The following MALRD1 variants were observed in gnomAD, a reference collection of about 807,000 sequenced individuals.
MALRD1 encodes the protein MAM and LDL receptor class A domain containing 1.
A neutral mutation model predicts 242.1 loss-of-function variants in MALRD1; 247 were observed. That is an observed-to-expected ratio of 1.02 (90% CI 0.92 to 1.13). The LOEUF (loss-of-function observed/expected upper bound fraction) is 1.13, where lower values mean the gene tolerates loss of function less well. Ranked by LOEUF, MALRD1 falls within the 50% of genes most tolerant of loss-of-function variation. The pLI is 0.00. For synonymous variants in MALRD1, 995 were observed against 866.6 expected, an observed-to-expected ratio of 1.15 and a Z score of -2.60; for missense variants, 2,989 against 2,533.1, an observed-to-expected ratio of 1.18 and a Z score of -3.86.
intron 36 of MALRD1, among the ~76,000 whole-genome samples, chr10:19,616,331 A>G (rs1839155201): frequency 6.6e-6 from 1 of 152,014 alleles, no homozygotes; most frequent in African/African-American, 2.4e-5. Context: ...AAATTAATTT[A>G]TAAATAAAAT....
chr10:19,567,743 T>G (rs937616951), intron 33 of MALRD1, 40 bp downstream of exon 33: 1 of 1,500,166 alleles, frequency 6.7e-7, no homozygotes, highest in Non-Finnish European at 9.1e-7. Context: ...AGTATTTGTT[T>G]TTAGTATCTA....
At chr10:19,422,625 G>C (rs1833758487) in intron 28 of MALRD1, among the ~76,000 whole-genome samples, 1 of 152,128 alleles carries the variant, frequency 6.6e-6, no homozygotes, top group African/African-American at 2.4e-5. Context: ...ATTAGATGTA[G>C]AATACCCTCG....
chr10:19,433,274 G>A (rs10827397), intron 28 of MALRD1, among the ~76,000 whole-genome samples: 7,927 of 152,078 alleles, frequency 0.052, 230 homozygotes, highest in African/African-American at 0.074. Context: ...CCATGAGGAC[G>A]TGATTCCGCT....
At chr10:19,464,576 A>G (rs1205016676) in intron 29 of MALRD1, among the ~76,000 whole-genome samples, 4 of 151,996 alleles carry the variant, frequency 2.6e-5, no homozygotes, top group Non-Finnish European at 5.9e-5. Context: ...CTATGTTCCT[A>G]TTTTTATACC....
At chr10:19,510,068 C>T (rs1464907008) in intron 31 of MALRD1, among the ~76,000 whole-genome samples, 1 of 152,116 alleles carries the variant, frequency 6.6e-6, no homozygotes, top group Non-Finnish European at 1.5e-5. Context: ...AGCAGGAAAA[C>T]GTGAACAAAT....
rs112697522 is a variant in MALRD1, at chr10:19,163,538, A to T, written c.1657-2099A>T. ...TGGAGGAGGGAGAGGAGCAGAAAAG[A>T]TAACTATTGGGTACAATGCTTAGTG... On this transcript the variant is annotated intron_variant, in intron 12 of 39. Transcript: ENST00000454679. 3.1e-3 allele frequency among the ~76,000 whole-genome samples: 478 copies of T among 152,246 alleles called. 3 individuals carry two copies. Among genetic ancestry groups the T allele is most frequent in the African/African-American group, 0.01 (435 of 41,544 alleles).
At chr10:19,508,655 T>C (rs1761694451) in intron 31 of MALRD1, among the ~76,000 whole-genome samples, 1 of 152,204 alleles carries the variant, frequency 6.6e-6, no homozygotes, top group African/African-American at 2.4e-5. Flanking sequence ...AATATTATAC[T>C]AGGAGGTTGT....
chr10:19,594,928 C>A (rs772457269), intron 33 of MALRD1, among the ~76,000 whole-genome samples: 2 of 152,066 alleles, frequency 1.3e-5, no homozygotes, highest in Non-Finnish European at 1.5e-5. Context: ...CAGAAATCAC[C>A]ACTAAAGAAC....
intron 31 of MALRD1, among the ~76,000 whole-genome samples, chr10:19,526,607 A>T (rs1463364220): frequency 6.6e-6 from 1 of 152,118 alleles, no homozygotes; most frequent in African/African-American, 2.4e-5. Context: ...TTGTAAGACC[A>T]AAATTGAGTA....
At chr10:19,221,902 G>A (rs944948437) in intron 18 of MALRD1, among the ~76,000 whole-genome samples, 4 of 151,726 alleles carry the variant, frequency 2.6e-5, no homozygotes, top group East Asian at 3.9e-4. Context: ...GAAAAAGAGC[G>A]GAGAGAGAGG....
At chr10:19,587,358 A>T (rs1478349621) in intron 33 of MALRD1, among the ~76,000 whole-genome samples, 1 of 152,226 alleles carries the variant, frequency 6.6e-6, no homozygotes, top group African/African-American at 2.4e-5. Flanking sequence ...TACTGTCTAT[A>T]TCACTGCGTA....
intron 28 of MALRD1, among the ~76,000 whole-genome samples, chr10:19,409,946 T>A (rs1833204435): frequency 6.6e-6 from 1 of 152,180 alleles, no homozygotes; most frequent in South Asian, 2.1e-4. Context: ...ATAGTGATAT[T>A]TTGATACATA....
chr10:19,050,462 A>C (rs1285586494), intron 1 of MALRD1, among the ~76,000 whole-genome samples: 1 of 151,994 alleles, frequency 6.6e-6, no homozygotes, highest in Non-Finnish European at 1.5e-5. Flanking sequence ...ATAAGTTTCT[A>C]CATATTTGAT....
chr10:19,273,448 C>A (rs78611515), intron 19 of MALRD1, among the ~76,000 whole-genome samples: 2,349 of 152,272 alleles, frequency 0.015, 64 homozygotes, highest in African/African-American at 0.054. Flanking sequence ...GTGTTTATAG[C>A]AGCTTTATTC....
intron 18 of MALRD1, among the ~76,000 whole-genome samples, chr10:19,237,621 TATATA>T (rs367654973): frequency 7.1e-4 from 12 of 16,994 alleles, no homozygotes; most frequent in Admixed American, 1.2e-3. Context: ...ATTATATAAT[TATATA>T]ATTATAATTA....
At chr10:19,275,975 A>T (rs754565915) in intron 19 of MALRD1, among the ~76,000 whole-genome samples, 4 of 152,210 alleles carry the variant, frequency 2.6e-5, no homozygotes, top group Non-Finnish European at 5.9e-5. Context: ...TGAGCTTGGA[A>T]CACAAATTTA....
chr10:19,437,766 C>T (rs992174176), intron 28 of MALRD1, among the ~76,000 whole-genome samples: 2 of 152,096 alleles, frequency 1.3e-5, no homozygotes, highest in Admixed American at 6.6e-5. Flanking sequence ...CCTAGAGGCC[C>T]ATCGATACAG....
chr10:19,162,669 C>A (rs375538891), intron 12 of MALRD1, among the ~76,000 whole-genome samples: 4 of 152,154 alleles, frequency 2.6e-5, no homozygotes, highest in Admixed American at 1.3e-4. Flanking sequence ...AAATAACATG[C>A]CGGCAAGGTT....
chr10:19,367,799 C>T (rs1047501642), intron 26 of MALRD1, among the ~76,000 whole-genome samples: 3 of 152,022 alleles, frequency 2.0e-5, no homozygotes, highest in Non-Finnish European at 4.4e-5. Flanking sequence ...TAATAGCCAT[C>T]CTACAAGGGT....
Sources: gnomAD v4.1 joint callset for allele counts (sites outside exome capture counted in the v4.1 genomes callset) on GRCh38, gnomAD v4.1.1 for gene constraint, MANE v1.5 for transcripts, NCBI Gene and HGNC (gene_info 2026-07-23, HGNC 2026-07-21) for gene names.